The following TPST1 variants were observed in gnomAD, a reference collection of about 807,000 sequenced individuals.
TPST1 encodes protein-tyrosine sulfotransferase 1.
A neutral mutation model predicts 34.8 loss-of-function variants in TPST1; 20 were observed. The ratio of observed to expected loss-of-function variants is 0.57; its 90% CI spans 0.40 to 0.84. TPST1 has a LOEUF of 0.84. Ranked by LOEUF, TPST1 falls within the 40% of genes least tolerant of loss-of-function variation. The pLI is 0.00. For missense variants in TPST1, 353 were observed against 455.5 expected (o/e 0.78, Z 2.05); for synonymous variants, 152 against 159.4 (o/e 0.95, Z 0.35).
At chr7:66,356,702 G>A in intron 4 of TPST1, 123 bp from the exon 5 acceptor site, 2 of 1,061,014 alleles carry the variant, frequency 1.9e-6, no homozygotes, top group Non-Finnish European at 2.9e-6. Context: ...CCACAGTAGT[G>A]CACTGAGTTC....
intron 3 of TPST1, among the ~76,000 whole-genome samples, chr7:66,310,610 T>A (rs931682720): frequency 1.3e-5 from 2 of 152,214 alleles, no homozygotes; most frequent in East Asian, 3.9e-4. Context: ...CTGGTTCTGG[T>A]TGCCCATGAA....
At position 66,239,410 on chromosome 7, in the gene TPST1, A is replaced by T. The variant is rs191339637; in HGVS notation, c.-101-915A>T. ...TCATCACATTTTATTGTTATTGTTT[A>T]CATATCTGTCTGTCAAAAGGCTTTG... On this transcript the variant is annotated intron_variant, in intron 1 of 5. Coordinates refer to ENST00000304842, the MANE Select transcript of TPST1 (RefSeq NM_003596.4). Among the ~76,000 whole-genome samples, 4 of 152,242 alleles carry T rather than the reference A, an allele frequency of 2.6e-5. No individual in the cohort carries two copies. The East Asian group carries it at 7.7e-4, about 29-fold the overall frequency.
chr7:66,349,559 G>A (rs1005690774), intron 3 of TPST1, among the ~76,000 whole-genome samples: 5 of 151,972 alleles, frequency 3.3e-5, no homozygotes, highest in African/African-American at 9.7e-5. Flanking sequence ...GTGACAGAGC[G>A]AAACTCCGTC....
chr7:66,268,249 G>T (rs763925391), intron 2 of TPST1, among the ~76,000 whole-genome samples: 1 of 152,064 alleles, frequency 6.6e-6, no homozygotes, highest in Non-Finnish European at 1.5e-5. Flanking sequence ...CACTGCACCC[G>T]GCCAAGGTGG....
chr7:66,354,168 C>G (rs1450772832), intron 4 of TPST1, among the ~76,000 whole-genome samples: 1 of 152,128 alleles, frequency 6.6e-6, no homozygotes, highest in African/African-American at 2.4e-5. Flanking sequence ...ATCCGACCAC[C>G]TCGTGCAGAC....
intron 3 of TPST1, among the ~76,000 whole-genome samples, chr7:66,322,144 C>T (rs1791769641): frequency 6.6e-6 from 1 of 152,094 alleles, no homozygotes; most frequent in South Asian, 2.1e-4. Context: ...AATTCAAGTC[C>T]TTGGATATAT....
At position 66,286,617 on chromosome 7, in the gene TPST1, G is replaced by A; in HGVS notation, c.952G>A (p.Ala318Thr). 6.2e-7 allele frequency: 1 copy of A among 1,609,482 alleles called. No individual in the cohort carries two copies. Among genetic ancestry groups the A allele is most frequent in the Non-Finnish European group, 8.5e-7 (1 of 1,177,260 alleles). The change falls in exon 3 of 6, where the codon GCT (alanine) becomes ACT (threonine). Residue 318 changes from alanine (A) to threonine (T), a missense_variant. Transcript: ENST00000304842. ...TGTTTTACAAGACATGGCAGTGATT[G>A]CTCCTATGCTTGCCAAGCTTGGATA... The part of the protein sequence containing the change: ...PDVLQDMAVI[A>T]PMLAKLGYDP...
intron 1 of TPST1, among the ~76,000 whole-genome samples, chr7:66,238,232 C>T (rs1789951274): frequency 1.3e-5 from 2 of 152,074 alleles, no homozygotes; most frequent in South Asian, 4.1e-4. Flanking sequence ...CTCCAATAAA[C>T]TTGTTTGTGG....
At chr7:66,223,094 TAC>T (rs750516019) in intron 1 of TPST1, among the ~76,000 whole-genome samples, 1 of 152,176 alleles carries the variant, frequency 6.6e-6, no homozygotes. Flanking sequence ...AGGCTTCTTT[TAC>T]ATTAATTCAA....
chr7:66,316,166 T>G (rs1791629469), intron 3 of TPST1, among the ~76,000 whole-genome samples: 1 of 152,134 alleles, frequency 6.6e-6, no homozygotes. Context: ...AATATTTTAA[T>G]TTTGTTTTGA....
intron 3 of TPST1, among the ~76,000 whole-genome samples, chr7:66,298,376 A>G (rs1021440908): frequency 6.6e-6 from 1 of 152,172 alleles, no homozygotes; most frequent in African/African-American, 2.4e-5. Flanking sequence ...CTCTTTTGTA[A>G]TTATGAAATA....
chr7:66,351,009 C>G (rs1399960824), intron 3 of TPST1, among the ~76,000 whole-genome samples: 1 of 152,114 alleles, frequency 6.6e-6, no homozygotes, highest in East Asian at 1.9e-4. Flanking sequence ...ACAAAATGAA[C>G]ACATGCTCAT....
At chr7:66,271,199 C>T (rs1790697542) in intron 2 of TPST1, among the ~76,000 whole-genome samples, 1 of 152,090 alleles carries the variant, frequency 6.6e-6, no homozygotes, top group African/African-American at 2.4e-5. Flanking sequence ...CACATTGCCT[C>T]CTGAGTACTT....
intron 3 of TPST1, among the ~76,000 whole-genome samples, chr7:66,317,114 T>C (rs1395833814): frequency 6.6e-6 from 1 of 152,214 alleles, no homozygotes; most frequent in Admixed American, 6.5e-5. Flanking sequence ...GACATAAACA[T>C]GCGTGGAGCT....
intron 1 of TPST1, among the ~76,000 whole-genome samples, chr7:66,216,082 T>C (rs1789403908): frequency 6.6e-6 from 1 of 152,220 alleles, no homozygotes; most frequent in Non-Finnish European, 1.5e-5. Context: ...GGTTTTTCTT[T>C]GTGGAAAATT....
At chr7:66,329,130 C>G (rs1198093272) in intron 3 of TPST1, among the ~76,000 whole-genome samples, 1 of 151,406 alleles carries the variant, frequency 6.6e-6, no homozygotes, top group Non-Finnish European at 1.5e-5. Flanking sequence ...CCAGGCTGTT[C>G]TCGAGCTCCT....
At chr7:66,286,471 A>C in intron 2 of TPST1, 40 bp from the exon 3 acceptor site, 10 of 1,393,260 alleles carry the variant, frequency 7.2e-6, no homozygotes, top group Non-Finnish European at 9.4e-6. Context: ...TTTTCTAAAA[A>C]ATTTTAAATA....
At chr7:66,254,117 G>A (rs148521660) in intron 2 of TPST1, among the ~76,000 whole-genome samples, 7 of 151,630 alleles carry the variant, frequency 4.6e-5, no homozygotes, top group African/African-American at 7.3e-5. Flanking sequence ...TTGGTCCTCC[G>A]TATATATTTT....
chr7:66,235,127 A>G (rs1789884713), intron 1 of TPST1, among the ~76,000 whole-genome samples: 1 of 150,408 alleles, frequency 6.6e-6, no homozygotes, highest in South Asian at 2.1e-4. Context: ...TGAATTGAAC[A>G]TTAGGATATC....
Sources: allele counts gnomAD v4.1 joint callset (sites outside exome capture counted in the v4.1 genomes callset), GRCh38; gene constraint gnomAD v4.1.1; transcripts MANE v1.5; gene names NCBI Gene and HGNC (gene_info 2026-07-23, HGNC 2026-07-21).